Variants in TBC1D1 observed in about 807,000 individuals in gnomAD.
TBC1D1 encodes the protein TBC1 domain family member 1.
Under a neutral mutation model 125.6 loss-of-function variants are expected in TBC1D1, and 89 were observed. That is an observed-to-expected ratio of 0.71 (90% CI 0.60 to 0.85). The LOEUF (loss-of-function observed/expected upper bound fraction) is 0.85, where lower values mean the gene tolerates loss of function less well. TBC1D1 is among the 40% of genes least tolerant of loss of function. The probability of loss-of-function intolerance (pLI) is 0.00; values close to 1 mark genes in which losing one functional copy is unlikely to be tolerated. For missense variants in TBC1D1, 1,377 were observed against 1,469.2 expected (o/e 0.94, Z 1.03); for synonymous variants, 565 against 564.1 (o/e 1.00, Z -0.02).
chr4:37,963,640 C>T (rs191910857), intron 2 of TBC1D1, among the ~76,000 whole-genome samples: 73 of 152,236 alleles, frequency 4.8e-4, no homozygotes, highest in Non-Finnish European at 8.5e-4. Flanking sequence ...TTGGGTGACA[C>T]AGTGAGATTC....
intron 15 of TBC1D1, among the ~76,000 whole-genome samples, chr4:38,104,289 C>A (rs970976183): frequency 6.6e-6 from 1 of 152,090 alleles, no homozygotes; most frequent in Admixed American, 6.6e-5. Flanking sequence ...TGCAACCTAT[C>A]CCCCGAGGAT....
chr4:38,106,753 A>G (rs988660399), intron 15 of TBC1D1, among the ~76,000 whole-genome samples: 11 of 152,048 alleles, frequency 7.2e-5, no homozygotes, highest in South Asian at 2.1e-4. Flanking sequence ...AGATGTCATC[A>G]CTTTTCTGCA....
chr4:38,099,870 A>G (rs988726582), intron 14 of TBC1D1, among the ~76,000 whole-genome samples: 1 of 152,230 alleles, frequency 6.6e-6, no homozygotes, highest in African/African-American at 2.4e-5. Context: ...CCTGAATACC[A>G]CAATATCTGG....
At chr4:38,090,430 C>T (rs900263523) in intron 13 of TBC1D1, among the ~76,000 whole-genome samples, 2 of 149,830 alleles carry the variant, frequency 1.3e-5, no homozygotes, top group African/African-American at 4.9e-5. Flanking sequence ...GTTTTGTTTT[C>T]CCCTCTGTCT....
chr4:38,011,840 G>A (rs1394708169), intron 2 of TBC1D1, among the ~76,000 whole-genome samples: 1 of 152,186 alleles, frequency 6.6e-6, no homozygotes, highest in Non-Finnish European at 1.5e-5. Flanking sequence ...CAAGTTATGA[G>A]GTATTCTTCA....
chr4:38,013,303 T>C (rs1329779241), intron 2 of TBC1D1, among the ~76,000 whole-genome samples: 2 of 152,236 alleles, frequency 1.3e-5, no homozygotes, highest in African/African-American at 2.4e-5. Flanking sequence ...AATTATGTCA[T>C]GAACACTGAA....
chr4:38,123,350 G>A (rs1001229105), intron 17 of TBC1D1, among the ~76,000 whole-genome samples: 9 of 152,172 alleles, frequency 5.9e-5, no homozygotes, highest in Non-Finnish European at 1.5e-5. Context: ...TTACTTTAGA[G>A]TTTTGTTTCT....
intron 2 of TBC1D1, among the ~76,000 whole-genome samples, chr4:37,944,187 C>T (rs181584890): frequency 3.2e-4 from 49 of 152,296 alleles, no homozygotes; most frequent in African/African-American, 1.2e-3. Context: ...CCTGATCGTT[C>T]CTCTGGAAGC....
intron 6 of TBC1D1, among the ~76,000 whole-genome samples, chr4:38,026,777 G>A (rs1188119003): frequency 6.6e-6 from 1 of 152,196 alleles, no homozygotes; most frequent in African/African-American, 2.4e-5. Context: ...GGAACTTCTT[G>A]AAATATCGGG....
In TBC1D1 at chr4:37,974,874, G is replaced by A. The variant is rs543245570; in HGVS notation, c.418-39635G>A. On this transcript the variant is annotated intron_variant, in intron 2 of 19. Coordinates refer to ENST00000261439, the MANE Select transcript of TBC1D1 (RefSeq NM_015173.4). Reference sequence around the variant, plus strand: ...ACGCCCAGCCTCTCTATGCCTTTACGGTTTTATCTATTCCTATGCACCAGA... The same window carrying A: ...ACGCCCAGCCTCTCTATGCCTTTACAGTTTTATCTATTCCTATGCACCAGA... Among the ~76,000 whole-genome samples the A allele has an allele frequency of 1.8e-4, 27 of 152,100 alleles. No homozygotes were observed. The East Asian group carries it at 4.2e-3, about 24-fold the overall frequency.
chr4:37,921,375 A>C (rs896649846), intron 2 of TBC1D1, among the ~76,000 whole-genome samples: 3 of 149,950 alleles, frequency 2.0e-5, no homozygotes, highest in African/African-American at 7.3e-5. Context: ...TATGTATATT[A>C]TATACATAAT....
intron 17 of TBC1D1, among the ~76,000 whole-genome samples, chr4:38,122,228 C>T (rs1763968677): frequency 6.6e-6 from 1 of 152,196 alleles, no homozygotes; most frequent in Non-Finnish European, 1.5e-5. Context: ...AGGGGTCATA[C>T]CCATAACCTG....
intron 12 of TBC1D1, among the ~76,000 whole-genome samples, chr4:38,055,210 G>A (rs1249923639): frequency 6.6e-6 from 1 of 152,118 alleles, no homozygotes; most frequent in African/African-American, 2.4e-5. Flanking sequence ...CCTGATGGTC[G>A]CCTGACATTG....
chr4:37,970,054 A>G (rs528995048), intron 2 of TBC1D1, among the ~76,000 whole-genome samples: 15 of 152,344 alleles, frequency 9.8e-5, no homozygotes, highest in African/African-American at 3.4e-4. Context: ...TTCAAGGTCC[A>G]TCAGTGCTGT....
intron 7 of TBC1D1, among the ~76,000 whole-genome samples, chr4:38,032,139 C>T (rs1461131766): frequency 7.2e-5 from 11 of 152,008 alleles, no homozygotes; most frequent in African/African-American, 2.4e-4. Context: ...GCCAACATGG[C>T]GAAACCCTGT....
intron 12 of TBC1D1, among the ~76,000 whole-genome samples, chr4:38,072,832 A>G (rs957186128): frequency 2.6e-5 from 4 of 152,140 alleles, no homozygotes; most frequent in African/African-American, 9.7e-5. Context: ...GAGTTTGACT[A>G]CTGTAGATAA....
chr4:38,063,033 G>GTGTGTGCC (rs1553929284), intron 12 of TBC1D1, among the ~76,000 whole-genome samples: 2 of 152,218 alleles, frequency 1.3e-5, no homozygotes, highest in African/African-American at 4.8e-5. Context: ...TAACTCTAGA[G>GTGTGTGCC]TGTGTGCCTG....
intron 2 of TBC1D1, among the ~76,000 whole-genome samples, chr4:37,923,685 T>A (rs1577876463): frequency 6.6e-6 from 1 of 150,624 alleles, no homozygotes; most frequent in African/African-American, 2.4e-5. Flanking sequence ...CCCATTTTTT[T>A]TTTTTTTTTT....
intron 15 of TBC1D1, among the ~76,000 whole-genome samples, chr4:38,114,988 A>G (rs1762739157): frequency 1.3e-5 from 2 of 151,888 alleles, no homozygotes; most frequent in South Asian, 4.2e-4. Context: ...CTGCATTTAG[A>G]TGATGCTGGG....
Sources: allele counts gnomAD v4.1 joint callset (sites outside exome capture counted in the v4.1 genomes callset), GRCh38; gene constraint gnomAD v4.1.1; transcripts MANE v1.5; gene names NCBI Gene and HGNC (gene_info 2026-07-23, HGNC 2026-07-21).